Variants in USF2 observed in about 807,000 individuals in gnomAD.
USF2 encodes the protein upstream stimulatory factor 2.
In USF2, 16 loss-of-function variants were observed where a neutral mutation model predicts 46.9. The observed-to-expected ratio is 0.34, with a 90% confidence interval of 0.23 to 0.52. The LOEUF is 0.52. USF2 is among the 20% of genes least tolerant of loss of function. USF2 has a pLI of 0.96. For synonymous variants in USF2, 239 were observed against 194.1 expected, an observed-to-expected ratio of 1.23 and a Z score of -1.92; for missense variants, 411 against 474.0, an observed-to-expected ratio of 0.87 and a Z score of 1.23.
At chr19:35,278,137 G>A (rs1400767007) in intron 7 of USF2, 1 of 152,778 alleles carries the variant, frequency 6.5e-6, no homozygotes, top group Non-Finnish European at 1.5e-5. Context: ...CCTGTGGAAG[G>A]ATTTTAAGCA....
At position 35,270,705 on chromosome 19, in the gene USF2, A is replaced by G. The variant is rs778264902; in HGVS notation, c.581-13A>G. ...CACCCTGCCTTGCCACTAACCCCCC[A>G]CTCTCCCTGCAGGCCAGTTCTACGT... On this transcript the variant is annotated splice_polypyrimidine_tract_variant and intron_variant, in intron 5 of 9. Transcript: ENST00000222305. The G allele has an allele frequency of 4.3e-6, 7 of 1,611,302 alleles. No homozygotes were observed. Among genetic ancestry groups the G allele is most frequent in the Non-Finnish European group, 5.1e-6 (6 of 1,179,146 alleles).
Position 35,279,311 on chromosome 19 carries a change from TC to T in USF2, c.*59del. On this transcript the variant is annotated 3_prime_UTR_variant, in exon 10 of 10. Transcript: ENST00000222305. ...CCCACGCCGGCCTCTGCTGCCCCCT[TC>T]CCCAGCCCTTAGCACAGAGAGGGAC... The T allele has an allele frequency of 6.9e-7, 1 of 1,439,910 alleles. No homozygotes were observed. 89.2% of individuals were successfully genotyped at this position (1,439,910 alleles called of 1,614,324 possible).
At chr19:35,271,890 G>C (rs958842768) in intron 7 of USF2, among the ~76,000 whole-genome samples, 1 of 152,228 alleles carries the variant, frequency 6.6e-6, no homozygotes, top group Non-Finnish European at 1.5e-5. Flanking sequence ...GGGTCTCATG[G>C]GACATTGATG....
At chr19:35,273,035 G>A (rs1259468783) in intron 7 of USF2, among the ~76,000 whole-genome samples, 1 of 151,894 alleles carries the variant, frequency 6.6e-6, no homozygotes, top group Admixed American at 6.6e-5. Context: ...GCGAAGAGAG[G>A]ACTCAGAACC....
intron 7 of USF2, 123 bp downstream of exon 7, chr19:35,271,264 C>T (rs1164228787): frequency 3.0e-5 from 33 of 1,088,600 alleles, no homozygotes; most frequent in Non-Finnish European, 4.5e-5. Flanking sequence ...CTCCAGAGGG[C>T]TTTGCTGGAC....
chr19:35,279,398 A>T lies in USF2; in HGVS notation c.*142A>T. The T allele has an allele frequency of 1.1e-6, 1 of 936,342 alleles. No homozygotes were observed. Among genetic ancestry groups the T allele is most frequent in the Non-Finnish European group, 1.5e-6 (1 of 663,366 alleles). The allele number at this position is 936,342 out of a possible 1,614,324, so 58.0% of individuals were successfully genotyped here. A position where few individuals can be genotyped will look rare whatever the true frequency, so the allele number is the denominator to read the frequency against. ...GATTTTTAACAAAAAACGGGGAGAA[A>T]TAATGCATTTCTGTGGATACAGTGC... On this transcript the variant is annotated 3_prime_UTR_variant, in exon 10 of 10. Coordinates refer to ENST00000222305, the MANE Select transcript of USF2 (RefSeq NM_003367.4).
rs2066120151 is a variant in USF2 at position 35,269,786 on chromosome 19, T to C, written c.229-17T>C. 2 of 1,490,164 alleles carry C rather than the reference T, an allele frequency of 1.3e-6. No individual in the cohort carries two copies. Among genetic ancestry groups the C allele is most frequent in the Admixed American group, 2.5e-5 (1 of 40,664 alleles). 92.3% of individuals were successfully genotyped at this position (1,490,164 alleles called of 1,614,324 possible). A position where few individuals can be genotyped will look rare whatever the true frequency, so the allele number is the denominator to read the frequency against. On this transcript the variant is annotated splice_polypyrimidine_tract_variant and intron_variant, in intron 3 of 9. Coordinates refer to ENST00000222305, the MANE Select transcript of USF2 (RefSeq NM_003367.4). ...CTGGCCCCAGCGCCGGCCTCGCCGC[T>C]CTGCCGCCCCCTGCAGGTGACATAC...
intron 7 of USF2, among the ~76,000 whole-genome samples, chr19:35,271,514 G>A (rs1039063497): frequency 2.0e-5 from 3 of 152,132 alleles, no homozygotes; most frequent in Admixed American, 6.5e-5. Context: ...CTCACATCCC[G>A]CACTCCCATG....
intron 7 of USF2, among the ~76,000 whole-genome samples, chr19:35,271,779 T>C (rs1039462928): frequency 6.6e-6 from 1 of 152,192 alleles, no homozygotes; most frequent in Non-Finnish European, 1.5e-5. Context: ...AAATATTTAC[T>C]GCCCGTGGGT....
At chr19:35,277,972 TG>T (rs2145585028) in intron 7 of USF2, 1 of 152,402 alleles carries the variant, frequency 6.6e-6, no homozygotes, top group Non-Finnish European at 1.5e-5. Flanking sequence ...TGGAGTTTTA[TG>T]GAGTAAAATC....
At chr19:35,270,684 C>G in intron 5 of USF2, 34 bp from the exon 6 acceptor site, 3 of 1,613,468 alleles carry the variant, frequency 1.9e-6, no homozygotes, top group Non-Finnish European at 2.5e-6. Context: ...TGACTTCACC[C>G]TGCCTTGCCA....
intron 7 of USF2, among the ~76,000 whole-genome samples, chr19:35,276,507 G>A (rs2066235505): frequency 6.6e-6 from 1 of 152,204 alleles, no homozygotes; most frequent in Non-Finnish European, 1.5e-5. Flanking sequence ...GCCTGCTAAT[G>A]TCAGGGCCTG....
chr19:35,278,653 C>T, intron 7 of USF2, 45 bp from the exon 8 acceptor site: 1 of 1,599,652 alleles, frequency 6.3e-7, no homozygotes, highest in Non-Finnish European at 8.6e-7. Flanking sequence ...GCCGCTCAGG[C>T]ATGATCCGTC....
In USF2 at chr19:35,269,666, G is replaced by C; in HGVS notation, c.195G>C (p.Gln65His). 2.0e-6 allele frequency: 3 copies of C among 1,500,534 alleles called. No homozygotes were observed. The highest frequency in any genetic ancestry group is 1.1e-5 in the South Asian group (1 of 87,396). The allele number at this position is 1,500,534 out of a possible 1,614,324, so 93.0% of individuals were successfully genotyped here. The change falls in exon 3 of 10, where the codon CAG (glutamine) becomes CAC (histidine). Residue 65 changes from glutamine to histidine, a missense_variant. By Grantham distance (24) the Gln-to-His change is conservative. Coordinates refer to ENST00000222305, the MANE Select transcript of USF2 (RefSeq NM_003367.4). ...QQAAFGDHNI[Q>H]YQFRTETNGG... is the part of the protein sequence containing the mutation. ...CGGCGTTCGGCGACCACAACATCCAGTACCAGTTCCGCACAGAGACAAATG... is the reference window on the plus strand; with the variant it reads ...CGGCGTTCGGCGACCACAACATCCACTACCAGTTCCGCACAGAGACAAATG...
rs373077623 is a variant in USF2, at chr19:35,271,128, C to T, written c.714C>T (p.Ala238=). ...TRTPRDERRR[A]QHNEVERRRR... ...CACCCCGAGATGAGAGGAGAAGAGC[C>T]CAGCACAACGAAGGTGAGGACAAGG... The change falls in exon 7 of 10, where the codon GCC becomes GCT. Residue 238 remains alanine, a synonymous_variant. Coordinates refer to ENST00000222305, the MANE Select transcript of USF2 (RefSeq NM_003367.4). 3 of 1,613,904 alleles carry T rather than the reference C, an allele frequency of 1.9e-6. No homozygotes were observed. The highest frequency in any genetic ancestry group is 1.3e-5 in the African/African-American group (1 of 74,954).
chr19:35,271,188 A>G, intron 7 of USF2, 47 bp downstream of exon 7: 1 of 1,610,312 alleles, frequency 6.2e-7, no homozygotes, highest in Non-Finnish European at 8.5e-7. Flanking sequence ...CCACCCTCAC[A>G]GGCTCAGCCA....
Position 35,278,937 on chromosome 19 carries a change from GC to G in USF2, c.823-3del, listed in dbSNP as rs749022418. The G allele has an allele frequency of 1.3e-5, 21 of 1,555,906 alleles. No homozygotes were observed. The African/African-American group carries it at 2.6e-4, about 19-fold the overall frequency. On this transcript the variant is annotated splice_polypyrimidine_tract_variant and splice_region_variant and intron_variant, in intron 8 of 9. Coordinates refer to ENST00000222305, the MANE Select transcript of USF2 (RefSeq NM_003367.4). ...CTGCCCTAAGGCTCCTGGTCCCCTC[GC>G]CCCCCAGAGTAAAGGAGGGATCCTG...
chr19:35,269,147 G>A lies in USF2; in HGVS notation c.46G>A (p.Ala16Thr), dbSNP rs1211340845. ...TCTGGATCCCGCTGCCTCGGCCACC[G>A]CTGCTGCCGCCGCCAGGTAAGATCC... is the stretch of plus-strand genomic sequence containing the variant. ...PGLDPAASAT[A>T]AAAASHDKGP... Residue 16 changes from alanine to threonine, a missense_variant, in exon 1 of 10, where the codon GCT becomes ACT. Around this residue, in one of 2 missense-constraint regions of USF2, gnomAD observed 318 missense variants for 322.4 expected, o/e 0.99. Transcript: ENST00000222305. The A allele has an allele frequency of 2.0e-6, 2 of 979,396 alleles. No homozygotes were observed. Among genetic ancestry groups the A allele is most frequent in the Admixed American group, 1.1e-4 (2 of 18,634 alleles). The allele number at this position is 979,396 out of a possible 1,614,324, so 60.7% of individuals were successfully genotyped here.
rs747227714 is a variant in USF2 at position 35,269,651 on chromosome 19, C to G, written c.180C>G (p.Gly60=). ...CCAGCGTCCAGCAGGCGGCGTTCGG[C>G]GACCACAACATCCAGTACCAGTTCC... is the stretch of plus-strand genomic sequence containing the variant. The part of the protein sequence containing the change: ...AITSVQQAAF[G]DHNIQYQFRT... The change falls in exon 3 of 10, where the codon GGC becomes GGG. Residue 60 remains glycine (G), a synonymous_variant. Transcript: ENST00000222305. 2 of 1,597,506 alleles carry G rather than the reference C, an allele frequency of 1.3e-6. No homozygotes were observed. The highest frequency in any genetic ancestry group is 2.7e-5 in the African/African-American group (2 of 73,564).
Sources: allele counts gnomAD v4.1 joint callset (sites outside exome capture counted in the v4.1 genomes callset), GRCh38; gene constraint gnomAD v4.1.1; regional missense constraint gnomAD v4.1.1; transcripts MANE v1.5; gene names NCBI Gene and HGNC (gene_info 2026-07-23, HGNC 2026-07-21).